ZFHX3: variants seen among roughly 807,000 people sequenced by gnomAD.
ZFHX3 encodes the protein zinc finger homeobox protein 3.
In ZFHX3, 42 loss-of-function variants were observed where a neutral mutation model predicts 279.1. That is an observed-to-expected ratio of 0.15 (90% CI 0.12 to 0.19). The LOEUF (loss-of-function observed/expected upper bound fraction) is 0.19. Ranked by LOEUF, ZFHX3 falls within the 10% of genes least tolerant of loss-of-function variation. The probability of loss-of-function intolerance (pLI) is 1.00; values close to 1 mark genes in which losing one functional copy is unlikely to be tolerated. For missense variants in ZFHX3, 4,981 were observed against 4,754.0 expected (o/e 1.05, Z -1.40); for synonymous variants, 2,293 against 1,957.8 (o/e 1.17, Z -4.52).
At chr16:73,233,711 C>T (rs941381796) in intron 5 of ZFHX3, among the ~76,000 whole-genome samples, 2 of 152,124 alleles carry the variant, frequency 1.3e-5, no homozygotes, top group African/African-American at 4.8e-5. Context: ...AGTAATAAAA[C>T]GAGCTGGATT....
chr16:73,627,653 T>C (rs551486193), intron 2 of ZFHX3, among the ~76,000 whole-genome samples: 107 of 152,334 alleles, frequency 7.0e-4, no homozygotes, highest in Non-Finnish European at 1.3e-3. Flanking sequence ...GCGCAGTGGC[T>C]CACGCCTGTA....
intron 5 of ZFHX3, among the ~76,000 whole-genome samples, chr16:73,147,983 A>G (rs939676688): frequency 3.3e-5 from 5 of 152,236 alleles, no homozygotes; most frequent in Non-Finnish European, 1.5e-5. Context: ...TCCAGTATCT[A>G]TTTAGAAAGT....
chr16:73,725,745 G>C (rs1278778448), intron 1 of ZFHX3, among the ~76,000 whole-genome samples: 1 of 152,100 alleles, frequency 6.6e-6, no homozygotes, highest in Admixed American at 6.6e-5. Context: ...AAGCCACTTG[G>C]AAGTAGGGAT....
Position 73,293,986 on chromosome 16 carries a change from C to CAAAAAAAAAAAAAAAAA in ZFHX3, c.-1194+24237_-1194+24253dup. 3 of 41,734 alleles carry CAAAAAAAAAAAAAAAAA rather than the reference C, an allele frequency of 7.2e-5. 1 individual carries two copies. Among genetic ancestry groups the CAAAAAAAAAAAAAAAAA allele is most frequent in the African/African-American group, 1.8e-4 (2 of 11,422 alleles). 2.6% of individuals were successfully genotyped at this position (41,734 alleles called of 1,614,324 possible). On this transcript the variant is annotated intron_variant, in intron 4 of 17. Coordinates refer to the ZFHX3 transcript ENST00000641206. Reference sequence around the variant, plus strand: ...TCCTTGGCTTTCTAAGTCAATATGCCAAAAAAAAAAAAAAAAAAAAAAAAA... The same window carrying CAAAAAAAAAAAAAAAAA: ...TCCTTGGCTTTCTAAGTCAATATGCCAAAAAAAAAAAAAAAAAAAAAAAAAAAAAAAAAAAAAAAAAA...
intron 3 of ZFHX3, among the ~76,000 whole-genome samples, chr16:72,928,507 G>A (rs1959613166): frequency 6.6e-6 from 1 of 152,070 alleles, no homozygotes; most frequent in African/African-American, 2.4e-5. Context: ...ACCCTAAGGA[G>A]GGGTCAGCGG....
In ZFHX3 at chr16:73,682,922, A is replaced by AAGAAAG. The variant is rs1567550627; in HGVS notation, c.-1607-2683_-1607-2682insCTTTCT. ...AGAAAGAAAGAGAAAGAAAGAGAGA[A>AAGAAAG]AGAGAAAGAAAGAAAGAAAGAAAGA... is the stretch of plus-strand genomic sequence containing the variant. On this transcript the variant is annotated intron_variant, in intron 1 of 17. Transcript: ENST00000641206. Among the ~76,000 whole-genome samples, 58 of 55,474 alleles carry AAGAAAG rather than the reference A, an allele frequency of 1.0e-3. 7 individuals carry two copies. The highest frequency in any genetic ancestry group is 3.6e-3 in the African/African-American group (35 of 9,622). 36.4% of individuals were successfully genotyped at this position (55,474 alleles called of 152,430 possible). A position where few individuals can be genotyped will look rare whatever the true frequency, so the allele number is the denominator to read the frequency against.
At chr16:73,682,970 GAAAGAAAGAAAGAAAGAAAGA>G (rs1567550754) in intron 1 of ZFHX3, among the ~76,000 whole-genome samples, 307 of 27,030 alleles carry the variant, frequency 0.011, 49 homozygotes, top group African/African-American at 0.033. Flanking sequence ...AAGAAAGAAA[GAAAGAAAGAAAGAAAGAAAGA>G]AAAGAAAGAA....
intron 5 of ZFHX3, among the ~76,000 whole-genome samples, chr16:73,184,396 AT>A (rs1967868638): frequency 6.6e-6 from 1 of 152,240 alleles, no homozygotes; most frequent in Non-Finnish European, 1.5e-5. Flanking sequence ...GGAAGTGGAA[AT>A]GCCAGACAGA....
intron 2 of ZFHX3, among the ~76,000 whole-genome samples, chr16:73,459,569 T>C (rs531236726): frequency 2.2e-4 from 34 of 152,292 alleles, no homozygotes; most frequent in Non-Finnish European, 4.7e-4. Flanking sequence ...GGTTTCACCA[T>C]GTTGGCCAGG....
chr16:73,467,348 A>G (rs2018591203), intron 2 of ZFHX3, among the ~76,000 whole-genome samples: 1 of 152,180 alleles, frequency 6.6e-6, no homozygotes, highest in African/African-American at 2.4e-5. Flanking sequence ...TAGACAAGAG[A>G]AGCCCTACCT....
chr16:73,674,226 G>A (rs1465917561), intron 2 of ZFHX3, among the ~76,000 whole-genome samples: 1 of 151,916 alleles, frequency 6.6e-6, no homozygotes, highest in African/African-American at 2.4e-5. Context: ...CACTATAAAA[G>A]GCATAGAAAA....
At chr16:72,945,350 TA>T (rs1249119564) in intron 3 of ZFHX3, among the ~76,000 whole-genome samples, 2 of 152,170 alleles carry the variant, frequency 1.3e-5, no homozygotes, top group African/African-American at 4.8e-5. Context: ...CTCTTGAAGT[TA>T]ACTGGTGGCC....
At chr16:73,861,585 A>G (rs1473593693) in intron 1 of ZFHX3, among the ~76,000 whole-genome samples, 2 of 152,066 alleles carry the variant, frequency 1.3e-5, no homozygotes, top group African/African-American at 4.8e-5. Context: ...CACGTTGTTT[A>G]TCTTCTTCCT....
At chr16:73,769,815 C>T (rs2053997427) in intron 1 of ZFHX3, among the ~76,000 whole-genome samples, 1 of 152,184 alleles carries the variant, frequency 6.6e-6, no homozygotes, top group South Asian at 2.1e-4. Context: ...CCCATAATCC[C>T]TATCCCTTTG....
At chr16:73,796,954 C>A (rs940086021) in intron 1 of ZFHX3, among the ~76,000 whole-genome samples, 2 of 152,088 alleles carry the variant, frequency 1.3e-5, no homozygotes, top group South Asian at 4.1e-4. Flanking sequence ...GTAATCCCAG[C>A]ACTTTGGGAG....
chr16:73,605,318 A>C (rs1204097555), intron 2 of ZFHX3, among the ~76,000 whole-genome samples: 1 of 152,192 alleles, frequency 6.6e-6, no homozygotes, highest in Non-Finnish European at 1.5e-5. Context: ...TAAACACGAT[A>C]AGCATTTTCC....
intron 1 of ZFHX3, among the ~76,000 whole-genome samples, chr16:73,749,469 T>C (rs767053628): frequency 2.0e-5 from 3 of 152,178 alleles, no homozygotes; most frequent in Non-Finnish European, 4.4e-5. Context: ...AGCTATTTAC[T>C]ATGCAAGTCT....
At chr16:73,682,884 A>AAGAGAAAGAAAGAAAGAGAGAAAG in intron 1 of ZFHX3, among the ~76,000 whole-genome samples, 4 of 29,512 alleles carry the variant, frequency 1.4e-4, no homozygotes, top group African/African-American at 4.3e-4. Flanking sequence ...GAAAGAAAGA[A>AAGAGAAAGAAAGAAAGAGAGAAAG]AGAAAGAAAG....
chr16:72,854,650 A>G lies in ZFHX3; in HGVS notation c.3449-24791T>C, dbSNP rs78945721. Among the ~76,000 whole-genome samples, 1,439 of 152,300 alleles carry G rather than the reference A, an allele frequency of 9.4e-3. 3 individuals are homozygous for G. The highest frequency in any genetic ancestry group is 0.015 in the Non-Finnish European group (1,013 of 68,022). On this transcript the variant is annotated intron_variant, in intron 4 of 9. Transcript: ENST00000268489. ...CCACAAACTTTTTGCTTTTTTAAAA[A>G]ATGTATTTTATAGCAAGATTGGATA...
Sources: allele counts gnomAD v4.1 joint callset (sites outside exome capture counted in the v4.1 genomes callset), GRCh38; gene constraint gnomAD v4.1.1; transcripts MANE v1.5; gene names NCBI Gene and HGNC (gene_info 2026-07-23, HGNC 2026-07-21).